GUCY2F: variants seen among roughly 807,000 people sequenced by gnomAD.
GUCY2F encodes guanylate cyclase 2F, retinal.
In GUCY2F, 61 loss-of-function variants were observed where a neutral mutation model predicts 73.1. The observed-to-expected ratio is 0.83, with a 90% CI of 0.68 to 1.03. The LOEUF (loss-of-function observed/expected upper bound fraction) is 1.03, where lower values mean the gene tolerates loss of function less well. Among genes scored for constraint, GUCY2F ranks in the 50% least tolerant of loss-of-function variants. The pLI, the probability that GUCY2F is intolerant of heterozygous loss-of-function variation, is 0.00. For synonymous variants in GUCY2F, 331 were observed against 307.8 expected (o/e 1.08, Z -0.79); for missense variants, 912 against 854.3 (o/e 1.07, Z -0.84).
At chrX:109,416,752 G>A (rs1931252421) in intron 8 of GUCY2F, among the ~76,000 whole-genome samples, 1 of 110,389 alleles carries the variant, frequency 9.1e-6, no homozygotes, top group African/African-American at 3.3e-5. Context: ...TGAACTTAAA[G>A]ATCTCAGAAG....
chrX:109,456,554 G>C (rs929155391), intron 3 of GUCY2F, among the ~76,000 whole-genome samples: 2 of 111,468 alleles, frequency 1.8e-5, no homozygotes, highest in Non-Finnish European at 1.9e-5. Flanking sequence ...GCTGGTCTTT[G>C]TGCTCTGATT....
chrX:109,445,324 T>G (rs1931975974), intron 6 of GUCY2F, among the ~76,000 whole-genome samples: 1 of 112,082 alleles, frequency 8.9e-6, no homozygotes, highest in Admixed American at 9.5e-5. Flanking sequence ...GGCTAACATT[T>G]TAAAAAATAT....
intron 7 of GUCY2F, among the ~76,000 whole-genome samples, chrX:109,435,885 T>A (rs1274669367): frequency 9.0e-6 from 1 of 111,466 alleles, no homozygotes; most frequent in African/African-American, 3.3e-5. Context: ...ATTGAGATAA[T>A]CATGTGGTTT....
intron 19 of GUCY2F, among the ~76,000 whole-genome samples, chrX:109,374,500 G>C (rs143991662): frequency 7.5e-4 from 84 of 112,190 alleles, no homozygotes; most frequent in African/African-American, 2.7e-3. Flanking sequence ...GTGAGTTGCA[G>C]TATTTTCTGC....
intron 10 of GUCY2F, among the ~76,000 whole-genome samples, chrX:109,399,390 A>G (rs1368992296): frequency 8.9e-6 from 1 of 112,103 alleles, no homozygotes; most frequent in Non-Finnish European, 1.9e-5. Flanking sequence ...CTACATAGTA[A>G]AGGGAAATGA....
intron 1 of GUCY2F, among the ~76,000 whole-genome samples, chrX:109,481,446 C>T (rs1368661595): frequency 2.7e-5 from 3 of 111,668 alleles, no homozygotes; most frequent in African/African-American, 9.8e-5. Context: ...CAGAAAACCA[C>T]CGTTCGTTAA....
chrX:109,388,716 A>G (rs1930496305), intron 14 of GUCY2F, 53 bp from the exon 15 acceptor site: 3 of 870,563 alleles, frequency 3.4e-6, no homozygotes, highest in Admixed American at 4.5e-5. Flanking sequence ...GCTTCTTTTT[A>G]GCACAGAGCT....
intron 1 of GUCY2F, among the ~76,000 whole-genome samples, chrX:109,476,723 AAGATAGATAGATAGATAGATAGAT>A (rs3831757): frequency 2.1e-5 from 2 of 96,449 alleles, no homozygotes; most frequent in Non-Finnish European, 4.1e-5. Context: ...CCCAGAGGTA[AAGATAGATAGATAGATAGATAGAT>A]AGATAGATAG....
intron 6 of GUCY2F, among the ~76,000 whole-genome samples, chrX:109,447,389 C>T (rs373078602): frequency 3.1e-4 from 34 of 110,342 alleles, no homozygotes; most frequent in Non-Finnish European, 6.1e-4. Flanking sequence ...TGTCCATCAA[C>T]GATAGACTGG....
intron 3 of GUCY2F, among the ~76,000 whole-genome samples, chrX:109,464,026 C>G (rs763556057): frequency 2.0e-4 from 22 of 112,662 alleles, no homozygotes; most frequent in Non-Finnish European, 3.4e-4. Context: ...TTTCTTACAG[C>G]TGGAAGCAAT....
intron 6 of GUCY2F, among the ~76,000 whole-genome samples, chrX:109,446,914 T>C (rs774292903): frequency 3.1e-4 from 34 of 111,468 alleles, no homozygotes; most frequent in African/African-American, 1.0e-3. Flanking sequence ...ACAAAGAACT[T>C]AAACAAATTT....
intron 11 of GUCY2F, 39 bp from the exon 12 acceptor site, chrX:109,395,528 G>A: frequency 8.8e-7 from 1 of 1,142,810 alleles, no homozygotes; most frequent in Admixed American, 2.4e-5. Flanking sequence ...ACAAATCATG[G>A]AAAAAATGAC....
intron 8 of GUCY2F, among the ~76,000 whole-genome samples, chrX:109,411,683 T>A (rs764209307): frequency 1.7e-4 from 19 of 111,628 alleles, no homozygotes; most frequent in African/African-American, 5.5e-4. Flanking sequence ...CTACAGAACA[T>A]CAAGGGGGAA....
chrX:109,373,899 G>T (rs760099629), intron 19 of GUCY2F, among the ~76,000 whole-genome samples: 2 of 112,274 alleles, frequency 1.8e-5, no homozygotes, highest in African/African-American at 3.2e-5. Flanking sequence ...GACGTGTAGG[G>T]CCCTGCTTCA....
rs549364498 is a variant in GUCY2F at position 109,416,563 on chromosome X, T to C, written c.1792-7395A>G. Among the ~76,000 whole-genome samples the C allele has an allele frequency of 2.4e-4, 27 of 111,158 alleles. No homozygotes were observed. The South Asian group carries it at 9.6e-3, about 40-fold the overall frequency. ...ACTAACACATAGGTAACTTGAGTTC[T>C]AGAAGGATATAAAGAAAATGCAGCA... On this transcript the variant is annotated intron_variant, in intron 8 of 19. Coordinates refer to ENST00000218006, the MANE Select transcript of GUCY2F (RefSeq NM_001522.3).
chrX:109,443,800 G>T (rs947917552), intron 6 of GUCY2F, among the ~76,000 whole-genome samples: 1 of 112,118 alleles, frequency 8.9e-6, no homozygotes, highest in Non-Finnish European at 1.9e-5. Context: ...AAGAAGTGGG[G>T]ATTTTACAAA....
chrX:109,447,441 A>C (rs1172338831), intron 6 of GUCY2F, among the ~76,000 whole-genome samples: 1 of 110,857 alleles, frequency 9.0e-6, no homozygotes, highest in Non-Finnish European at 1.9e-5. Flanking sequence ...AATACTATGC[A>C]GCCATAAAAA....
At chrX:109,397,865 G>A (rs993721913) in intron 11 of GUCY2F, among the ~76,000 whole-genome samples, 1 of 107,974 alleles carries the variant, frequency 9.3e-6, no homozygotes, top group African/African-American at 3.4e-5. Flanking sequence ...GAATAACACC[G>A]AGGTGACATT....
intron 15 of GUCY2F, among the ~76,000 whole-genome samples, chrX:109,387,921 G>C (rs1930473113): frequency 9.0e-6 from 1 of 111,725 alleles, no homozygotes; most frequent in Non-Finnish European, 1.9e-5. Flanking sequence ...GGCAGACAAG[G>C]ACCGGGGAAA....
Sources: gnomAD v4.1 joint callset for allele counts (sites outside exome capture counted in the v4.1 genomes callset) on GRCh38, gnomAD v4.1.1 for gene constraint, MANE v1.5 for transcripts, NCBI Gene and HGNC (gene_info 2026-07-23, HGNC 2026-07-21) for gene names.